Variants in IL12RB1 observed in about 807,000 individuals in gnomAD.
IL12RB1 encodes interleukin 12 receptor subunit beta 1.
Under a neutral mutation model 94.4 loss-of-function variants are expected in IL12RB1, and 64 were observed. The ratio of observed to expected loss-of-function variants is 0.68; its 90% confidence interval spans 0.55 to 0.83. The LOEUF (loss-of-function observed/expected upper bound fraction) is 0.83, where lower values mean the gene tolerates loss of function less well. IL12RB1 is among the 40% of genes least tolerant of loss of function. The pLI is 0.00. For synonymous variants in IL12RB1, 362 were observed against 355.5 expected (o/e 1.02, Z -0.21); for missense variants, 814 against 855.6 (o/e 0.95, Z 0.61).
chr19:18,069,706 C>T lies in IL12RB1; in HGVS notation c.1029G>A (p.Val343=), dbSNP rs1007252030. The T allele has an allele frequency of 6.2e-7, 1 of 1,611,028 alleles. No individual in the cohort carries two copies. Among genetic ancestry groups the T allele is most frequent in the African/African-American group, 1.3e-5 (1 of 74,854 alleles). ...TGGTTCCGACGCTGATATTCAGAGC[C>T]ACTGGTTCTGGAAGGAGAGGGGAGA... ...HIPADTHTEP[V]ALNISVGTNG... Residue 343 remains valine (V), a synonymous_variant, in exon 10 of 17, where the codon GTG becomes GTA. Transcript: ENST00000593993.
rs778895428 is a variant in IL12RB1, at chr19:18,061,200, G to A, written c.1716-3C>T. On this transcript the variant is annotated splice_region_variant and splice_polypyrimidine_tract_variant and intron_variant, in intron 14 of 16. Coordinates refer to ENST00000593993, the MANE Select transcript of IL12RB1 (RefSeq NM_005535.3). ...GCGGGCACAGGTGCCGTGCGGCCCT[G>A]GGGAGGAAAGGGGACCAGTGAGAGG... The A allele has an allele frequency of 3.3e-6, 5 of 1,529,650 alleles. No individual in the cohort carries two copies. In the African/African-American group the frequency reaches 5.5e-5, roughly 17 times the overall value. 94.8% of individuals were successfully genotyped at this position (1,529,650 alleles called of 1,614,324 possible).
At chr19:18,094,033 C>G (rs149841692) in intron 1 of IL12RB1, among the ~76,000 whole-genome samples, 1,753 of 152,296 alleles carry the variant, frequency 0.012, 48 homozygotes, top group African/African-American at 0.04. Flanking sequence ...TTAACAAACT[C>G]ACTCGTAGTC....
Position 18,059,463 on chromosome 19 carries a change from A to C in IL12RB1, c.*145T>G, listed in dbSNP as rs1415056974. On this transcript the variant is annotated 3_prime_UTR_variant, in exon 17 of 17. Coordinates refer to ENST00000593993, the MANE Select transcript of IL12RB1 (RefSeq NM_005535.3). ...ATGGCAGCATCTAGGGTTCCCCCGC[A>C]GGATGGGTGGCAACAGGCACGGGGC... 1 of 701,812 alleles carries C rather than the reference A, an allele frequency of 1.4e-6. No homozygotes were observed. The highest frequency in any genetic ancestry group is 1.8e-5 in the African/African-American group (1 of 56,680). 43.5% of individuals were successfully genotyped at this position (701,812 alleles called of 1,614,324 possible).
At chr19:18,079,989 G>A (rs1307477227) in intron 4 of IL12RB1, among the ~76,000 whole-genome samples, 1 of 152,158 alleles carries the variant, frequency 6.6e-6, no homozygotes. Context: ...TCAGCGTAAT[G>A]TCCTCCAGCT....
chr19:18,061,233 GT>G (rs67773732), intron 14 of IL12RB1, 36 bp from the exon 15 acceptor site: 43,411 of 817,128 alleles, frequency 0.053, 2,403 homozygotes, highest in African/African-American at 0.32. Context: ...AGGAGCTGAG[GT>G]TTTTTTTTTT....
At position 18,062,235 on chromosome 19, in the gene IL12RB1, C is replaced by G. The variant is rs369861364; in HGVS notation, c.1661G>C (p.Gly554Ala). 1 of 1,613,240 alleles carries G rather than the reference C, an allele frequency of 6.2e-7. No individual in the cohort carries two copies. The highest frequency in any genetic ancestry group is 8.5e-7 in the Non-Finnish European group (1 of 1,179,526). ...CACGAGAAGGATGCTCAGGAAGCTC[C>G]CCAGGGAGGCGAAGAAGATGAGCCA... ...SDWLIFFASL[G>A]SFLSILLVGV... Residue 554 changes from glycine to alanine, a missense_variant, in exon 14 of 17, where the codon GGG (glycine) becomes GCG (alanine). By Grantham distance (60) the Gly-to-Ala change is moderately conservative (BLOSUM62 0). Transcript: ENST00000593993.
At chr19:18,069,477 T>G (rs1041424059) in intron 10 of IL12RB1, 69 bp downstream of exon 10, 6 of 1,444,662 alleles carry the variant, frequency 4.2e-6, no homozygotes, top group African/African-American at 1.4e-5. Flanking sequence ...CCCTGCAGGT[T>G]TGAACCCACC....
chr19:18,070,488 G>A (rs937953025), intron 9 of IL12RB1: 37 of 979,806 alleles, frequency 3.8e-5, no homozygotes, highest in African/African-American at 1.2e-4. Flanking sequence ...CTCAGTCCCT[G>A]GGCAAATCTC....
upstream of IL12RB1, among the ~76,000 whole-genome samples, chr19:18,088,388 A>AATATATAT (rs372635550): frequency 2.8e-5 from 3 of 108,446 alleles, no homozygotes; most frequent in South Asian, 2.8e-4. Context: ...TCCATCTCAA[A>AATATATAT]ATATATATAT....
At chr19:18,064,128 C>CTT in intron 12 of IL12RB1, 118 bp from the exon 13 acceptor site, 1 of 499,682 alleles carries the variant, frequency 2.0e-6, no homozygotes, top group Non-Finnish European at 3.6e-6. Context: ...AAAATCTCTA[C>CTT]TCTTTCTTTC....
At chr19:18,063,131 C>T (rs147620245) in intron 13 of IL12RB1, among the ~76,000 whole-genome samples, 176 of 120,572 alleles carry the variant, frequency 1.5e-3, no homozygotes, top group Middle Eastern at 5.9e-3. Context: ...GGTCTTGCTC[C>T]GTCGCCCAGG....
intron 1 of IL12RB1, among the ~76,000 whole-genome samples, chr19:18,097,095 T>G (rs1178320388): frequency 2.0e-5 from 3 of 152,228 alleles, no homozygotes; most frequent in Admixed American, 2.0e-4. Context: ...GGGGCCACCT[T>G]AAATTTTGCA....
intron 7 of IL12RB1, among the ~76,000 whole-genome samples, chr19:18,075,261 T>TA (rs1440847965): frequency 6.9e-6 from 1 of 145,586 alleles, no homozygotes; most frequent in Non-Finnish European, 1.5e-5. Flanking sequence ...ACTTTTTTTT[T>TA]TTTTTTTACT....
rs563701960 is a variant in IL12RB1 at position 18,075,644 on chromosome 19, G to A, written c.700+105C>T. On this transcript the variant is annotated intron_variant, in intron 7 of 16. Transcript: ENST00000593993. ...ACCACTGGCCTCAAGTGATCCTCCC[G>A]CCTCAGCCTTCTGAGCAGCTGGAAC... is the stretch of plus-strand genomic sequence containing the variant. 2.5e-3 allele frequency: 2,556 copies of A among 1,008,210 alleles called. 29 individuals carry two copies. The highest frequency in any genetic ancestry group is 0.019 in the South Asian group (1,463 of 78,686). 62.5% of individuals were successfully genotyped at this position (1,008,210 alleles called of 1,614,324 possible).
chr19:18,063,380 G>GAGCC (rs1302088028), intron 13 of IL12RB1, among the ~76,000 whole-genome samples: 3 of 151,984 alleles, frequency 2.0e-5, no homozygotes, highest in Non-Finnish European at 4.4e-5. Context: ...TTACAGGTGT[G>GAGCC]AGCCACCACA....
intron 1 of IL12RB1, among the ~76,000 whole-genome samples, chr19:18,092,169 C>A (rs1197553908): frequency 1.3e-5 from 2 of 150,644 alleles, no homozygotes; most frequent in Admixed American, 6.6e-5. Flanking sequence ...AAGCCACCGC[C>A]CCTCGACCAT....
At chr19:18,071,835 T>A (rs1246778698) in intron 9 of IL12RB1, among the ~76,000 whole-genome samples, 1 of 152,108 alleles carries the variant, frequency 6.6e-6, no homozygotes, top group African/African-American at 2.4e-5. Context: ...CAGCTAATTT[T>A]TGTATTTTTA....
At position 18,092,107 on chromosome 19, in the gene IL12RB1, C is replaced by A. The variant is rs182984235; in HGVS notation, c.-229-1338G>T. On this transcript the variant is annotated intron_variant, in intron 1 of 4. Transcript: ENST00000594176. ...GTCCAGGCTGGTCTCAAATGCCTGA[C>A]CTTAAGTGATCTGCTGGCCTCGGCC... Among the ~76,000 whole-genome samples, 58 of 151,284 alleles carry A rather than the reference C, an allele frequency of 3.8e-4. 1 individual carries two copies. The East Asian group carries it at 9.8e-3, about 26-fold the overall frequency.
intron 5 of IL12RB1, 71 bp from the exon 6 acceptor site, chr19:18,076,398 GTTAT>G: frequency 1.2e-6 from 1 of 801,682 alleles, no homozygotes. Flanking sequence ...TTTACAATTA[GTTAT>G]TTATTTACTT....
Sources: allele counts gnomAD v4.1 joint callset (sites outside exome capture counted in the v4.1 genomes callset), GRCh38; gene constraint gnomAD v4.1.1; transcripts MANE v1.5; gene names NCBI Gene and HGNC (gene_info 2026-07-23, HGNC 2026-07-21).